ELP4: variants seen among roughly 807,000 people sequenced by gnomAD.
The protein encoded by ELP4 is elongator acetyltransferase complex subunit 4.
A neutral mutation model predicts 48.9 loss-of-function variants in ELP4; 51 were observed. The ratio of observed to expected loss-of-function variants is 1.04; its 90% confidence interval spans 0.83 to 1.32. The LOEUF (loss-of-function observed/expected upper bound fraction) is 1.32. Among genes scored for constraint, ELP4 ranks in the 40% most tolerant of loss-of-function variants. The pLI, the probability that ELP4 is intolerant of heterozygous loss-of-function variation, is 0.00. For synonymous variants in ELP4, 210 were observed against 189.2 expected (o/e 1.11, Z -0.90); for missense variants, 519 against 514.6 (o/e 1.01, Z -0.08).
At chr11:31,710,510 A>T (rs1382891834) in intron 9 of ELP4, among the ~76,000 whole-genome samples, 2 of 152,062 alleles carry the variant, frequency 1.3e-5, no homozygotes, top group Non-Finnish European at 2.9e-5. Flanking sequence ...CTGTAGTCCC[A>T]GCTATTCTGG....
intron 3 of ELP4, among the ~76,000 whole-genome samples, chr11:31,559,635 G>A (rs763170021): frequency 7.2e-5 from 11 of 152,020 alleles, no homozygotes; most frequent in Non-Finnish European, 1.5e-4. Context: ...CGGGAGCGGC[G>A]GCTCACCCCT....
intron 3 of ELP4, among the ~76,000 whole-genome samples, chr11:31,592,175 C>T (rs1340688619): frequency 6.6e-6 from 1 of 152,110 alleles, no homozygotes; most frequent in Non-Finnish European, 1.5e-5. Context: ...TTACACAACT[C>T]TGAATTATTA....
intron 9 of ELP4, among the ~76,000 whole-genome samples, chr11:31,732,591 A>C (rs1947216565): frequency 6.6e-6 from 1 of 152,214 alleles, no homozygotes; most frequent in Non-Finnish European, 1.5e-5. Flanking sequence ...TAAATGGATT[A>C]AACTGCCTAA....
intron 3 of ELP4, among the ~76,000 whole-genome samples, chr11:31,561,936 T>A (rs1268987405): frequency 1.3e-5 from 2 of 152,214 alleles, no homozygotes; most frequent in Non-Finnish European, 2.9e-5. Context: ...TGGAATCTAT[T>A]ATCAGAATGC....
chr11:31,661,113 G>C (rs183715910), intron 9 of ELP4, among the ~76,000 whole-genome samples: 1 of 151,756 alleles, frequency 6.6e-6, no homozygotes, highest in Non-Finnish European at 1.5e-5. Flanking sequence ...CTCTATACTT[G>C]CATATTCAGA....
At chr11:31,597,605 C>G (rs1957693323) in intron 4 of ELP4, among the ~76,000 whole-genome samples, 1 of 152,028 alleles carries the variant, frequency 6.6e-6, no homozygotes, top group Non-Finnish European at 1.5e-5. Context: ...AACCTAAACT[C>G]TAAGTTTAGA....
rs187672396 is a variant in ELP4 at position 31,578,818 on chromosome 11, C to A, written c.382-15952C>A. 3.3e-5 allele frequency among the ~76,000 whole-genome samples: 5 copies of A among 152,264 alleles called. No individual in the cohort carries two copies. The East Asian group carries it at 9.7e-4, about 29-fold the overall frequency. The stretch of plus-strand genomic sequence containing the variant: ...ATGGATTAAAGACTTAAATGTTAGA[C>A]CTAAAACCATTAAAACCCTAGAAGA... On this transcript the variant is annotated intron_variant, in intron 3 of 9. Transcript: ENST00000640961.
At chr11:31,752,933 T>G (rs1009914517) in intron 9 of ELP4, among the ~76,000 whole-genome samples, 7 of 152,214 alleles carry the variant, frequency 4.6e-5, no homozygotes, top group Non-Finnish European at 7.4e-5. Context: ...GTTGCCAGAT[T>G]CAGGACCTGA....
intron 9 of ELP4, among the ~76,000 whole-genome samples, chr11:31,730,886 A>G (rs1947171249): frequency 6.6e-6 from 1 of 152,194 alleles, no homozygotes; most frequent in South Asian, 2.1e-4. Context: ...CTGAGAACAA[A>G]AAAGAGCTGG....
At chr11:31,547,938 C>A (rs565766674) in intron 3 of ELP4, among the ~76,000 whole-genome samples, 3 of 152,134 alleles carry the variant, frequency 2.0e-5, no homozygotes, top group African/African-American at 4.8e-5. Flanking sequence ...ATTCAACAAC[C>A]CTTCATGCTA....
chr11:31,530,602 T>C lies in ELP4; in HGVS notation c.260-9060T>C, dbSNP rs556515629. On this transcript the variant is annotated intron_variant, in intron 2 of 9. Coordinates refer to ENST00000640961, the MANE Select transcript of ELP4 (RefSeq NM_019040.5). ...GGAGTGATGATACAGCTCATTTGGA[T>C]TTTTGTATTAAGAAAAAAATGATAT... Among the ~76,000 whole-genome samples, 26 of 152,264 alleles carry C rather than the reference T, an allele frequency of 1.7e-4. No homozygotes were observed. In the South Asian group the frequency reaches 3.9e-3, roughly 23 times the overall value.
chr11:31,606,595 A>G (rs1254749921), intron 5 of ELP4, among the ~76,000 whole-genome samples: 3 of 152,220 alleles, frequency 2.0e-5, no homozygotes, highest in African/African-American at 7.2e-5. Context: ...AATTAAAGCC[A>G]GAGTATAAAG....
At chr11:31,580,250 A>G (rs1374600737) in intron 3 of ELP4, among the ~76,000 whole-genome samples, 1 of 152,198 alleles carries the variant, frequency 6.6e-6, no homozygotes, top group Non-Finnish European at 1.5e-5. Flanking sequence ...GAAGCATACT[A>G]CTTCATGGAA....
chr11:31,517,297 C>A (rs912695833), intron 1 of ELP4, among the ~76,000 whole-genome samples: 1 of 151,824 alleles, frequency 6.6e-6, no homozygotes, highest in Non-Finnish European at 1.5e-5. Context: ...GATTCTCCTG[C>A]CTCAGCTCCC....
At chr11:31,690,659 T>A (rs1342169180) in intron 9 of ELP4, among the ~76,000 whole-genome samples, 1 of 151,972 alleles carries the variant, frequency 6.6e-6, no homozygotes, top group Admixed American at 6.6e-5. Context: ...TTCTTATTTA[T>A]TTAAAGAAAA....
At chr11:31,722,665 T>TTCTCTCTCTC (rs71060499) in intron 9 of ELP4, among the ~76,000 whole-genome samples, 5 of 144,188 alleles carry the variant, frequency 3.5e-5, no homozygotes, top group African/African-American at 1.3e-4. Context: ...AAGGTGTCTC[T>TTCTCTCTCTC]TCTCTCTCTC....
At position 31,740,550 on chromosome 11, in the gene ELP4, G is replaced by T. The variant is rs959975071; in HGVS notation, c.1144-42843G>T. Among the ~76,000 whole-genome samples, 10 of 152,196 alleles carry T rather than the reference G, an allele frequency of 6.6e-5. No homozygotes were observed. In the East Asian group the frequency reaches 7.7e-4, roughly 12 times the overall value. On this transcript the variant is annotated intron_variant, in intron 9 of 9. Transcript: ENST00000640961. ...TGTGGTGCCTGAATAATAGAGGCAG[G>T]CTGGGCTGTTCCTAACTTTTGCATA...
At chr11:31,530,847 T>A (rs1956385373) in intron 2 of ELP4, among the ~76,000 whole-genome samples, 1 of 152,134 alleles carries the variant, frequency 6.6e-6, no homozygotes, top group Admixed American at 6.6e-5. Context: ...TTTGTGTAAG[T>A]CCCCAAACTG....
chr11:31,549,068 A>T (rs1467980901), intron 3 of ELP4, among the ~76,000 whole-genome samples: 1 of 152,134 alleles, frequency 6.6e-6, no homozygotes, highest in Non-Finnish European at 1.5e-5. Flanking sequence ...TTCAGGACAT[A>T]GGCATGGGCA....
Sources: allele counts gnomAD v4.1 joint callset (sites outside exome capture counted in the v4.1 genomes callset), GRCh38; gene constraint gnomAD v4.1.1; transcripts MANE v1.5; gene names NCBI Gene and HGNC (gene_info 2026-07-23, HGNC 2026-07-21).